MRPL43: variants seen among roughly 807,000 people sequenced by gnomAD.
MRPL43 encodes large ribosomal subunit protein mL43.
A neutral mutation model predicts 12.7 loss-of-function variants in MRPL43; 9 were observed. The ratio of observed to expected loss-of-function variants is 0.71; its 90% CI spans 0.43 to 1.24. MRPL43 has a LOEUF of 1.24. Among genes scored for constraint, MRPL43 ranks in the 50% most tolerant of loss-of-function variants. MRPL43 has a pLI of 0.00. For synonymous variants in MRPL43, 116 were observed against 96.4 expected (o/e 1.20, Z -1.19); for missense variants, 211 against 229.2 (o/e 0.92, Z 0.51).
downstream of MRPL43, chr10:100,979,759 G>A: frequency 6.6e-7 from 1 of 1,514,056 alleles, no homozygotes; most frequent in Non-Finnish European, 9.0e-7. Context: ...GGGTTGGCCA[G>A]GGTAACAGTG....
chr10:100,987,018 G>A (rs1851532121), intron 2 of MRPL43, 43 bp from the exon 3 acceptor site: 1 of 1,605,478 alleles, frequency 6.2e-7, no homozygotes, highest in Non-Finnish European at 8.5e-7. Flanking sequence ...TGGCCGGTGC[G>A]ACCAAGCGAG....
downstream of MRPL43, chr10:100,980,526 C>T: frequency 1.3e-6 from 2 of 1,519,088 alleles, no homozygotes; most frequent in Non-Finnish European, 1.8e-6. Flanking sequence ...TTGCAGGGTG[C>T]TGAGAGCAGA....
downstream of MRPL43, among the ~76,000 whole-genome samples, chr10:100,981,850 G>A (rs1225693782): frequency 6.6e-6 from 1 of 152,032 alleles, no homozygotes; most frequent in Non-Finnish European, 1.5e-5. Flanking sequence ...TTGAGCTCAG[G>A]AATTGGAGAC....
chr10:100,982,819 A>G (rs1410453664), downstream of MRPL43, among the ~76,000 whole-genome samples: 2 of 152,182 alleles, frequency 1.3e-5, no homozygotes, highest in Non-Finnish European at 1.5e-5. Context: ...CAAAAAGGCG[A>G]GCAAGAAAGA....
chr10:100,984,540 C>T (rs1015510000), downstream of MRPL43: 28 of 1,536,068 alleles, frequency 1.8e-5, no homozygotes, highest in Non-Finnish European at 2.4e-5. Context: ...CTCTGCATGG[C>T]CCTGTGTGCT....
At chr10:100,983,659 C>A (rs1265325492), downstream of MRPL43, 1 of 1,613,262 alleles carries the variant, frequency 6.2e-7, no homozygotes, top group Non-Finnish European at 8.5e-7. Flanking sequence ...CTAGCCATTG[C>A]CGCGCTTGGT....
Position 100,987,161 on chromosome 10 carries a change from C to T in MRPL43, c.167G>A (p.Arg56Gln). ...ATATATTACGACCCCTGGATTCCGTCGGGCGAAGTCGATCACCTCCCGCTC... is the reference window on the plus strand; with the variant it reads ...ATATATTACGACCCCTGGATTCCGTTGGGCGAAGTCGATCACCTCCCGCTC... ...FVEREVIDFA[R>Q]RNPGVVIYVN... The change falls in exon 2 of 3, where the codon CGA becomes CAA. Residue 56 changes from arginine (R) to glutamine (Q), a missense_variant. Physicochemically the swap from Arg to Gln is conservative, Grantham distance 43. Transcript: ENST00000318364. 6.2e-7 allele frequency: 1 copy of T among 1,613,890 alleles called. No individual in the cohort carries two copies. The highest frequency in any genetic ancestry group is 8.5e-7 in the Non-Finnish European group (1 of 1,180,034).
chr10:100,984,030 G>C (rs1402208941), downstream of MRPL43: 1 of 1,613,516 alleles, frequency 6.2e-7, no homozygotes, highest in Non-Finnish European at 8.5e-7. Flanking sequence ...CAACAATGGA[G>C]TACCAGCAGG....
downstream of MRPL43, chr10:100,979,748 G>A (rs1850967063): frequency 1.5e-6 from 2 of 1,372,850 alleles, no homozygotes; most frequent in East Asian, 2.3e-5. Context: ...GACTATAGCT[G>A]GGGTTGGCCA....
downstream of MRPL43, chr10:100,981,245 G>C (rs772781924): frequency 5.0e-6 from 8 of 1,613,640 alleles, no homozygotes; most frequent in South Asian, 7.7e-5. Flanking sequence ...TGACTCATAT[G>C]AGTGTGGGTC....
chr10:100,980,449 G>A (rs781029331), downstream of MRPL43: 55 of 1,360,460 alleles, frequency 4.0e-5, no homozygotes, highest in Admixed American at 4.7e-4. Flanking sequence ...TGTCCTGAGG[G>A]TCCACTGCTC....
At chr10:100,980,884 C>A, downstream of MRPL43, 1 of 1,610,894 alleles carries the variant, frequency 6.2e-7, no homozygotes, top group South Asian at 1.1e-5. Flanking sequence ...GCTGCTCCCG[C>A]TACCGATCCT....
At chr10:100,982,685 A>C (rs942484069), downstream of MRPL43, among the ~76,000 whole-genome samples, 3 of 152,234 alleles carry the variant, frequency 2.0e-5, no homozygotes, top group African/African-American at 7.2e-5. Context: ...CCAGCTACTC[A>C]GGAGCCAGAG....
downstream of MRPL43, chr10:100,983,836 G>T (rs1359315768): frequency 6.3e-7 from 1 of 1,597,190 alleles, no homozygotes; most frequent in African/African-American, 1.3e-5. Context: ...GAAGATGAGG[G>T]TGATGATGAG....
downstream of MRPL43, among the ~76,000 whole-genome samples, chr10:100,981,754 A>C (rs1355751836): frequency 1.3e-5 from 2 of 152,192 alleles, 1 homozygote; most frequent in East Asian, 3.9e-4. Flanking sequence ...GCTATTAAGA[A>C]ACTGGACCAG....
downstream of MRPL43, chr10:100,978,600 C>T (rs554197284): frequency 6.2e-7 from 1 of 1,614,178 alleles, no homozygotes; most frequent in East Asian, 2.2e-5. Context: ...GCCACCCACA[C>T]TCCCTGAGAA....
At chr10:100,984,951 T>A (rs908989869), downstream of MRPL43, 1 of 1,421,730 alleles carries the variant, frequency 7.0e-7, no homozygotes, top group African/African-American at 1.4e-5. Context: ...CACACCTGTA[T>A]CACACATGTG....
Position 100,986,402 on chromosome 10 carries a change from C to A in MRPL43, c.*332G>T. On this transcript the variant is annotated 3_prime_UTR_variant, in exon 3 of 3. Coordinates refer to ENST00000318364, the MANE Select transcript of MRPL43 (RefSeq NM_032112.3). ...TTCCAATAAGACATCAGGGATTCTT[C>A]AGAAGCCAGCCTTCAGACCTCTCAC... The A allele has an allele frequency of 6.8e-7, 1 of 1,477,412 alleles. No individual in the cohort carries two copies. Among genetic ancestry groups the A allele is most frequent in the South Asian group, 1.4e-5 (1 of 70,070 alleles). 91.5% of individuals were successfully genotyped at this position (1,477,412 alleles called of 1,614,324 possible). A position where few individuals can be genotyped will look rare whatever the true frequency, so the allele number is the denominator to read the frequency against.
At chr10:100,981,142 T>A (rs1851049873), downstream of MRPL43, 1 of 1,613,832 alleles carries the variant, frequency 6.2e-7, no homozygotes, top group African/African-American at 1.3e-5. Flanking sequence ...TTCCCCTTGT[T>A]CATAAAACCT....
Sources: gnomAD v4.1 joint callset for allele counts (sites outside exome capture counted in the v4.1 genomes callset) on GRCh38, gnomAD v4.1.1 for gene constraint, MANE v1.5 for transcripts, NCBI Gene and HGNC (gene_info 2026-07-23, HGNC 2026-07-21) for gene names.